CCSER1: variants seen among roughly 807,000 people sequenced by gnomAD.
The protein encoded by CCSER1 is serine-rich coiled-coil domain-containing protein 1.
CCSER1 carries 41 observed loss-of-function variants against 82.0 expected under a neutral mutation model. That is an observed-to-expected ratio of 0.50 (90% confidence interval 0.39 to 0.65). CCSER1 has a LOEUF of 0.65. Among genes scored for constraint, CCSER1 ranks in the 30% least tolerant of loss-of-function variants. The probability of loss-of-function intolerance (pLI) is 0.00; values close to 1 mark genes in which losing one functional copy is unlikely to be tolerated. For synonymous variants in CCSER1, 414 were observed against 383.9 expected (o/e 1.08, Z -0.92); for missense variants, 1,119 against 1,064.2 (o/e 1.05, Z -0.72).
At position 90,490,249 on chromosome 4, in the gene CCSER1, G is replaced by T. The variant is rs190957834; in HGVS notation, c.1724+21895G>T. On this transcript the variant is annotated intron_variant, in intron 5 of 10. Coordinates refer to ENST00000509176, the MANE Select transcript of CCSER1 (RefSeq NM_001145065.2). The stretch of plus-strand genomic sequence containing the variant: ...TGAGATGGTATCTCATTATGGTTTT[G>T]ATTTGCATATCTCTGATGGTCGGTG... Among the ~76,000 whole-genome samples, 16 of 152,234 alleles carry T rather than the reference G, an allele frequency of 1.1e-4. No homozygotes were observed. The East Asian group carries it at 1.2e-3, about 11-fold the overall frequency.
chr4:90,901,519 A>T (rs2100452), intron 8 of CCSER1, among the ~76,000 whole-genome samples: 148,951 of 152,174 alleles, frequency 0.98, 72,920 homozygotes, highest in East Asian at 1. Context: ...TATGAAAGAC[A>T]TCGTTATTCA....
intron 10 of CCSER1, among the ~76,000 whole-genome samples, chr4:91,405,890 GC>G (rs1163041116): frequency 1.4e-4 from 21 of 152,064 alleles, no homozygotes; most frequent in Non-Finnish European, 2.5e-4. Context: ...TGTCCAACAA[GC>G]CCCAGTGAGA....
intron 7 of CCSER1, among the ~76,000 whole-genome samples, chr4:90,730,300 T>TAGG (rs1744463980): frequency 4.6e-5 from 7 of 152,202 alleles, no homozygotes; most frequent in African/African-American, 1.7e-4. Context: ...TTCCTTTTCA[T>TAGG]TTATTGAATG....
At chr4:91,126,610 GATAGTA>G (rs1172842654) in intron 10 of CCSER1, among the ~76,000 whole-genome samples, 3 of 151,936 alleles carry the variant, frequency 2.0e-5, no homozygotes, top group East Asian at 1.9e-4. Context: ...TTTGTTACAA[GATAGTA>G]ATAGTTTAGA....
intron 9 of CCSER1, among the ~76,000 whole-genome samples, chr4:91,059,115 T>G (rs558168301): frequency 9.1e-4 from 139 of 152,152 alleles, no homozygotes; most frequent in Middle Eastern, 6.8e-3. Flanking sequence ...ACTTTAGTAT[T>G]ATTTTCAGAC....
At chr4:91,104,374 C>T (rs756301459) in intron 10 of CCSER1, among the ~76,000 whole-genome samples, 4 of 152,144 alleles carry the variant, frequency 2.6e-5, no homozygotes, top group Non-Finnish European at 2.9e-5. Flanking sequence ...TTTTGAGGCT[C>T]AGGTGGGCAT....
intron 6 of CCSER1, among the ~76,000 whole-genome samples, chr4:90,665,323 T>A (rs1731536910): frequency 8.3e-6 from 1 of 120,384 alleles, no homozygotes; most frequent in African/African-American, 3.3e-5. Flanking sequence ...GCTGAGATTT[T>A]TTTTTCTTTT....
chr4:90,992,551 T>G (rs1244555898), intron 9 of CCSER1, among the ~76,000 whole-genome samples: 1 of 151,970 alleles, frequency 6.6e-6, no homozygotes, highest in Non-Finnish European at 1.5e-5. Flanking sequence ...ATCACAAGAC[T>G]GAGATCAAGG....
chr4:91,080,472 T>G (rs570090999), intron 9 of CCSER1, among the ~76,000 whole-genome samples: 3 of 152,110 alleles, frequency 2.0e-5, no homozygotes, highest in Non-Finnish European at 4.4e-5. Flanking sequence ...GCAGGAGAGA[T>G]TTAAAATTGA....
chr4:90,148,582 T>C (rs1329131423), intron 1 of CCSER1, among the ~76,000 whole-genome samples: 1 of 152,166 alleles, frequency 6.6e-6, no homozygotes, highest in East Asian at 1.9e-4. Flanking sequence ...GGAATTTACC[T>C]ACCTGCCATA....
intron 10 of CCSER1, chr4:91,319,074 G>T: frequency 3.7e-6 from 1 of 267,020 alleles, no homozygotes; most frequent in South Asian, 3.3e-5. Context: ...TCCAGAACTT[G>T]GTAAGGAAAT....
chr4:91,251,997 A>T (rs2149148339), intron 10 of CCSER1, among the ~76,000 whole-genome samples: 1 of 152,306 alleles, frequency 6.6e-6, no homozygotes, highest in South Asian at 2.1e-4. Flanking sequence ...AGCTCAATAA[A>T]CTACAAGTAA....
intron 8 of CCSER1, among the ~76,000 whole-genome samples, chr4:90,864,649 C>G (rs574039099): frequency 6.6e-6 from 1 of 152,040 alleles, no homozygotes; most frequent in Non-Finnish European, 1.5e-5. Flanking sequence ...TATAGCAGCA[C>G]AAAACAGAGT....
intron 6 of CCSER1, among the ~76,000 whole-genome samples, chr4:90,652,399 G>A (rs34015660): frequency 0.014 from 2,187 of 152,132 alleles, 57 homozygotes; most frequent in African/African-American, 0.051. Flanking sequence ...CAGATTTTCA[G>A]CACTTTTCTT....
chr4:91,423,729 T>C (rs923356040), intron 10 of CCSER1, among the ~76,000 whole-genome samples: 1 of 152,110 alleles, frequency 6.6e-6, no homozygotes, highest in African/African-American at 2.4e-5. Flanking sequence ...ATATAAATTT[T>C]AGCCTATAAA....
chr4:90,247,190 C>G (rs1337304585), intron 1 of CCSER1, among the ~76,000 whole-genome samples: 1 of 152,076 alleles, frequency 6.6e-6, no homozygotes, highest in East Asian at 1.9e-4. Flanking sequence ...ATGGAATATT[C>G]AAGTTAATAT....
At chr4:90,806,800 G>A (rs7666834) in intron 7 of CCSER1, among the ~76,000 whole-genome samples, 51,532 of 151,510 alleles carry the variant, frequency 0.34, 8,955 homozygotes, top group East Asian at 0.42. Context: ...CCCTCATTTG[G>A]CTCATAGAGA....
At chr4:90,777,229 C>T (rs1224121190) in intron 7 of CCSER1, among the ~76,000 whole-genome samples, 4 of 151,392 alleles carry the variant, frequency 2.6e-5, no homozygotes, top group African/African-American at 4.9e-5. Context: ...TGGTGGTGGG[C>T]GCCTGTAATC....
intron 10 of CCSER1, among the ~76,000 whole-genome samples, chr4:91,316,066 C>T (rs13152604): frequency 0.4 from 60,079 of 151,738 alleles, 12,065 homozygotes; most frequent in Middle Eastern, 0.43. Flanking sequence ...GGCAGTTTCA[C>T]TGCCCATGCC....
Sources: gnomAD v4.1 joint callset for allele counts (sites outside exome capture counted in the v4.1 genomes callset) on GRCh38, gnomAD v4.1.1 for gene constraint, MANE v1.5 for transcripts, NCBI Gene and HGNC (gene_info 2026-07-23, HGNC 2026-07-21) for gene names.